Variants in MGAM2 observed in about 807,000 individuals in gnomAD.
MGAM2 encodes the protein maltase-glucoamylase 2 (putative), also known as probable maltase-glucoamylase 2.
A neutral mutation model predicts 96.1 loss-of-function variants in MGAM2; 98 were observed. That is an observed-to-expected ratio of 1.02 (90% confidence interval 0.87 to 1.21). The LOEUF is 1.21. MGAM2 is among the 50% of genes most tolerant of loss of function. The probability of loss-of-function intolerance (pLI) is 0.00; values close to 1 mark genes in which losing one functional copy is unlikely to be tolerated. For synonymous variants in MGAM2, 749 were observed against 414.8 expected, an observed-to-expected ratio of 1.81 and a Z score of -9.79; for missense variants, 2,055 against 1,182.4, an observed-to-expected ratio of 1.74 and a Z score of -10.82.
chr7:142,112,566 T>C (rs1433434038), intron 1 of MGAM2, among the ~76,000 whole-genome samples: 1 of 152,218 alleles, frequency 6.6e-6, no homozygotes, highest in Non-Finnish European at 1.5e-5. Context: ...TTCCTACTTC[T>C]TTCTCTACCT....
At chr7:142,160,721 G>T (rs1041604801) in intron 21 of MGAM2, among the ~76,000 whole-genome samples, 12 of 151,464 alleles carry the variant, frequency 7.9e-5, no homozygotes, top group African/African-American at 2.7e-4. Context: ...TTACTTCTCT[G>T]TGCTTCTGCT....
chr7:142,147,910 T>C (rs200882983), intron 15 of MGAM2, among the ~76,000 whole-genome samples: 541 of 43,212 alleles, frequency 0.013, 5 homozygotes, highest in African/African-American at 0.029. Flanking sequence ...CAAATAAAAA[T>C]ACAGGACACC....
chr7:142,166,728 G>A (rs973018117), intron 25 of MGAM2, among the ~76,000 whole-genome samples: 5 of 152,088 alleles, frequency 3.3e-5, no homozygotes, highest in Non-Finnish European at 7.4e-5. Flanking sequence ...GCTCTGTCAC[G>A]GTTCACTCAT....
At chr7:142,171,907 A>G (rs1796207634) in intron 28 of MGAM2, among the ~76,000 whole-genome samples, 191 bp from the exon 29 acceptor site, 1 of 151,938 alleles carries the variant, frequency 6.6e-6, no homozygotes, top group South Asian at 2.1e-4. Context: ...ATATAATAAT[A>G]AATGAGGAAG....
intron 45 of MGAM2, among the ~76,000 whole-genome samples, chr7:142,202,707 C>A (rs1356187467): frequency 6.6e-6 from 1 of 152,064 alleles, no homozygotes; most frequent in Non-Finnish European, 1.5e-5. Context: ...TTTTCTTTAT[C>A]CAATCCTTTG....
At chr7:142,202,427 A>G (rs1322059889) in intron 45 of MGAM2, among the ~76,000 whole-genome samples, 2 of 152,174 alleles carry the variant, frequency 1.3e-5, no homozygotes, top group South Asian at 2.1e-4. Context: ...GGCAGTGAGC[A>G]TAGTAACTAA....
Position 142,136,652 on chromosome 7 carries a change from CT to C in MGAM2, c.847+17del. On this transcript the variant is annotated intron_variant, in intron 8 of 47. Coordinates refer to ENST00000477922, the MANE Select transcript of MGAM2 (RefSeq NM_001293626.2). The stretch of plus-strand genomic sequence containing the variant: ...CAGTAATGCCATGGGTAGGAAGCAT[CT>C]TTTTATCTTCTGTAGGTAGGAATAC... 1 of 684,252 alleles carries C rather than the reference CT, an allele frequency of 1.5e-6. No homozygotes were observed. The highest frequency in any genetic ancestry group is 2.7e-5 in the East Asian group (1 of 37,024). 42.4% of individuals were successfully genotyped at this position (684,252 alleles called of 1,614,324 possible).
chr7:142,185,031 T>C (rs1229385379), intron 33 of MGAM2, 46 bp from the exon 34 acceptor site: 4 of 701,692 alleles, frequency 5.7e-6, no homozygotes, highest in Admixed American at 4.0e-5. Context: ...TCATAGTCTG[T>C]ATGCAAGGAT....
chr7:142,196,092 G>A, intron 37 of MGAM2, 62 bp from the exon 38 acceptor site: 2 of 747,786 alleles, frequency 2.7e-6, no homozygotes, highest in East Asian at 5.3e-5. Context: ...GCTCCAAGCT[G>A]CAGTTATTCT....
chr7:142,169,250 C>T (rs907346947), intron 26 of MGAM2, among the ~76,000 whole-genome samples: 3 of 151,956 alleles, frequency 2.0e-5, no homozygotes, highest in African/African-American at 4.8e-5. Context: ...GGTAAAACCC[C>T]GTCCCTACTA....
intron 26 of MGAM2, among the ~76,000 whole-genome samples, chr7:142,168,462 A>T (rs1796094973): frequency 6.6e-6 from 1 of 151,668 alleles, no homozygotes; most frequent in Non-Finnish European, 1.5e-5. Context: ...TAGAGATAGG[A>T]TTTCACCATG....
At chr7:142,176,067 C>A (rs1796365294) in intron 32 of MGAM2, among the ~76,000 whole-genome samples, 1 of 145,656 alleles carries the variant, frequency 6.9e-6, no homozygotes, top group African/African-American at 2.5e-5. Context: ...AAAGTTAGAA[C>A]AACTGTGGGC....
At chr7:142,120,506 T>C in intron 3 of MGAM2, 125 bp downstream of exon 3, 2 of 551,308 alleles carry the variant, frequency 3.6e-6, no homozygotes, top group East Asian at 2.8e-5. Flanking sequence ...GAGTTCTTTC[T>C]TTCTTATCTT....
Position 142,191,678 on chromosome 7 carries a change from A to C in MGAM2, c.4346+2173A>C, listed in dbSNP as rs549658385. On this transcript the variant is annotated intron_variant, in intron 37 of 47. Transcript: ENST00000477922. ...GTGTGACTCTTCCAATTTTTTTTTC[A>C]AGATTGTTTTAGCTACTATGGGTCC... 2.6e-5 allele frequency among the ~76,000 whole-genome samples: 4 copies of C among 151,506 alleles called. No individual in the cohort carries two copies. In the East Asian group the frequency reaches 7.7e-4, roughly 29 times the overall value.
intron 47 of MGAM2, 129 bp downstream of exon 47, chr7:142,218,660 G>A (rs181494371): frequency 9.8e-5 from 57 of 578,730 alleles, no homozygotes; most frequent in Admixed American, 7.1e-4. Context: ...TTATAAATAC[G>A]TGCAATAGAT....
In MGAM2 at chr7:142,161,960, G is replaced by C. The variant is rs1199709687; in HGVS notation, c.2440G>C (p.Val814Leu). 1.4e-6 allele frequency: 1 copy of C among 696,078 alleles called. No homozygotes were observed. The highest frequency in any genetic ancestry group is 1.5e-5 in the South Asian group (1 of 65,846). 43.1% of individuals were successfully genotyped at this position (696,078 alleles called of 1,614,324 possible). A position where few individuals can be genotyped will look rare whatever the true frequency, so the allele number is the denominator to read the frequency against. The change falls in exon 23 of 48, where the codon GTG becomes CTG. Residue 814 changes from valine to leucine, a missense_variant. By Grantham distance (32) the Val-to-Leu change is conservative. Transcript: ENST00000477922. ...YWDDGVSKDA[V>L]TEKKYILYDF... ...TACTCCTCTTTCTTTTTTAGATGCT[G>C]TGACTGAAAAGAAGTATATTCTATA... is the stretch of plus-strand genomic sequence containing the variant.
At chr7:142,128,936 T>G (rs1381463269) in intron 3 of MGAM2, among the ~76,000 whole-genome samples, 1 of 152,148 alleles carries the variant, frequency 6.6e-6, no homozygotes, top group African/African-American at 2.4e-5. Context: ...GCCCCCAGAA[T>G]GGTAGATCCA....
In MGAM2 at chr7:142,175,673, G is replaced by C. The variant is rs1005938050; in HGVS notation, c.3709G>C (p.Asp1237His). ...IPYDVQHVDI[D>H]YMNRKLDFTL... ...GCAGGACGTCCAGCATGTAGACATC[G>C]ATTACATGAACCGGAAGCTGGATTT... is the stretch of plus-strand genomic sequence containing the variant. Residue 1237 changes from aspartate to histidine, a missense_variant, in exon 32 of 48, where the codon GAT becomes CAT. Physicochemically the swap from Asp to His is moderately conservative, Grantham distance 81. Transcript: ENST00000477922. 4.3e-5 allele frequency: 30 copies of C among 702,704 alleles called. No homozygotes were observed. The highest frequency in any genetic ancestry group is 7.0e-5 in the Non-Finnish European group (27 of 384,976). The allele number at this position is 702,704 out of a possible 1,614,324, so 43.5% of individuals were successfully genotyped here.
chr7:142,206,938 C>T (rs984600715), intron 45 of MGAM2, among the ~76,000 whole-genome samples: 4 of 152,176 alleles, frequency 2.6e-5, no homozygotes, highest in Non-Finnish European at 4.4e-5. Context: ...TTTTTATTAA[C>T]TGCTAGAAGA....
Sources: gnomAD v4.1 joint callset for allele counts (sites outside exome capture counted in the v4.1 genomes callset) on GRCh38, gnomAD v4.1.1 for gene constraint, MANE v1.5 for transcripts, NCBI Gene and HGNC (gene_info 2026-07-23, HGNC 2026-07-21) for gene names.